Variants in SUGCT observed in about 807,000 individuals in gnomAD.
The protein encoded by SUGCT is succinyl-CoA:glutarate-CoA transferase, also known as succinyl-CoA:glutarate CoA-transferase.
SUGCT carries 41 observed loss-of-function variants against 55.0 expected under a neutral mutation model. The observed-to-expected ratio is 0.74, with a 90% CI of 0.58 to 0.97. The LOEUF (loss-of-function observed/expected upper bound fraction) is 0.97. SUGCT is among the 50% of genes least tolerant of loss of function. The pLI is 0.00. For synonymous variants in SUGCT, 187 were observed against 200.4 expected, an observed-to-expected ratio of 0.93 and a Z score of 0.56; for missense variants, 568 against 547.8, an observed-to-expected ratio of 1.04 and a Z score of -0.37.
chr7:40,414,413 G>A (rs1047471532), intron 9 of SUGCT, among the ~76,000 whole-genome samples: 1 of 152,062 alleles, frequency 6.6e-6, no homozygotes, highest in African/African-American at 2.4e-5. Context: ...AGTATATATA[G>A]GGCTCAGTGC....
chr7:40,246,859 A>G (rs181883956), intron 7 of SUGCT, among the ~76,000 whole-genome samples: 2 of 152,178 alleles, frequency 1.3e-5, no homozygotes, highest in African/African-American at 4.8e-5. Context: ...TCAGCCTCCC[A>G]AAGTGCTGAG....
At chr7:40,964,954 G>A in the SUGCT span, 1 of 152,196 alleles carries the variant, frequency 6.6e-6, no homozygotes, top group Non-Finnish European at 1.5e-5. Flanking sequence ...CTTCACAAAA[G>A]AGTTGTCTAA....
intron 8 of SUGCT, among the ~76,000 whole-genome samples, chr7:40,292,082 C>T (rs140074414): frequency 0.015 from 2,286 of 152,230 alleles, 28 homozygotes; most frequent in Non-Finnish European, 0.023. Context: ...AACGGGAAAC[C>T]AATTCACCAC....
chr7:40,302,275 T>C (rs1794583264), intron 8 of SUGCT, among the ~76,000 whole-genome samples: 1 of 152,144 alleles, frequency 6.6e-6, no homozygotes, highest in Admixed American at 6.5e-5. Flanking sequence ...TCCCACCTGT[T>C]TTTTTTGTCC....
At chr7:40,778,399 T>C (rs906010201) in intron 13 of SUGCT, among the ~76,000 whole-genome samples, 1 of 152,254 alleles carries the variant, frequency 6.6e-6, no homozygotes, top group Admixed American at 6.5e-5. Flanking sequence ...ATTAAAGTTA[T>C]GTTTAGAAAT....
At chr7:41,037,692 T>C in the SUGCT span, among the ~76,000 whole-genome samples, 1 of 151,400 alleles carries the variant, frequency 6.6e-6, no homozygotes, top group Admixed American at 6.6e-5. Flanking sequence ...CCTTCCAACA[T>C]GCAGACCGTG....
At chr7:40,939,366 G>T in the SUGCT span, among the ~76,000 whole-genome samples, 1 of 152,174 alleles carries the variant, frequency 6.6e-6, no homozygotes, top group Admixed American at 6.5e-5. Flanking sequence ...TAGAATTCAA[G>T]ATGAGATTTG....
At chr7:40,709,476 G>T in intron 12 of SUGCT, among the ~76,000 whole-genome samples, 1 of 152,210 alleles carries the variant, frequency 6.6e-6, no homozygotes, top group African/African-American at 2.4e-5. Flanking sequence ...GCCTTGGTCT[G>T]GTCCCCAGGC....
intron 9 of SUGCT, among the ~76,000 whole-genome samples, chr7:40,442,055 C>T (rs1219922435): frequency 5.9e-5 from 9 of 152,042 alleles, no homozygotes; most frequent in South Asian, 4.2e-4. Context: ...GAGGTTTTGA[C>T]GATAGTGATG....
At chr7:40,915,696 C>T in the SUGCT span, among the ~76,000 whole-genome samples, 3 of 130,006 alleles carry the variant, frequency 2.3e-5, no homozygotes, top group African/African-American at 3.3e-5. Flanking sequence ...AACTCATTCT[C>T]CTGCTGGGAC....
intron 8 of SUGCT, among the ~76,000 whole-genome samples, chr7:40,315,308 G>A (rs1795366824): frequency 6.6e-6 from 1 of 152,190 alleles, no homozygotes. Flanking sequence ...ACAAAATGTT[G>A]ATTTGATTTT....
chr7:41,000,617 T>C, the SUGCT span, among the ~76,000 whole-genome samples: 2 of 152,180 alleles, frequency 1.3e-5, no homozygotes, highest in South Asian at 4.1e-4. Flanking sequence ...TTGGATTTAA[T>C]TACAATGTGA....
chr7:40,561,688 CTT>C (rs777766517), intron 12 of SUGCT, among the ~76,000 whole-genome samples: 20 of 100,150 alleles, frequency 2.0e-4, no homozygotes, highest in South Asian at 1.1e-3. Context: ...TAAGCCGAGT[CTT>C]TTTTTTTTTT....
chr7:40,599,806 C>A (rs1001985480), intron 12 of SUGCT, among the ~76,000 whole-genome samples: 1 of 152,124 alleles, frequency 6.6e-6, no homozygotes, highest in Non-Finnish European at 1.5e-5. Context: ...TTACTGGAGT[C>A]CAAATCCCAG....
At chr7:40,293,237 A>G (rs565168281) in intron 8 of SUGCT, among the ~76,000 whole-genome samples, 1 of 152,210 alleles carries the variant, frequency 6.6e-6, no homozygotes, top group East Asian at 1.9e-4. Context: ...TGTTGTTGCT[A>G]CTGTTAAAAG....
intron 12 of SUGCT, among the ~76,000 whole-genome samples, chr7:40,624,772 AACACACACACAC>A (rs71791486): frequency 3.1e-4 from 42 of 137,396 alleles, no homozygotes; most frequent in South Asian, 1.4e-3. Context: ...TTTCTGTGCA[AACACACACACAC>A]ACACACACAC....
downstream of SUGCT, among the ~76,000 whole-genome samples, chr7:40,864,631 A>G (rs537508448): frequency 3.9e-5 from 6 of 152,070 alleles, no homozygotes; most frequent in Non-Finnish European, 8.8e-5. Flanking sequence ...TACTTGCACT[A>G]CTACATTTAT....
At chr7:40,946,216 TA>T in the SUGCT span, among the ~76,000 whole-genome samples, 2 of 152,206 alleles carry the variant, frequency 1.3e-5, no homozygotes, top group Non-Finnish European at 2.9e-5. Flanking sequence ...GCTTGCTTTA[TA>T]CTACCTAGGG....
intron 13 of SUGCT, among the ~76,000 whole-genome samples, chr7:40,818,671 G>A (rs1459197385): frequency 2.0e-5 from 3 of 152,178 alleles, no homozygotes; most frequent in Non-Finnish European, 4.4e-5. Flanking sequence ...TGAGCCAGTG[G>A]AGGCAGGGAA....
Sources: allele counts gnomAD v4.1 joint callset (sites outside exome capture counted in the v4.1 genomes callset), GRCh38; gene constraint gnomAD v4.1.1; transcripts MANE v1.5; gene names NCBI Gene and HGNC (gene_info 2026-07-23, HGNC 2026-07-21).